Variants in EFCAB13 observed in about 807,000 individuals in gnomAD.
EFCAB13 encodes the protein EF-hand calcium binding domain 13.
In EFCAB13, 91 loss-of-function variants were observed where a neutral mutation model predicts 110.2. The observed-to-expected ratio is 0.83, with a 90% CI of 0.70 to 0.98. EFCAB13 has a LOEUF of 0.98. Ranked by LOEUF, EFCAB13 falls within the 50% of genes least tolerant of loss-of-function variation. The probability of loss-of-function intolerance (pLI) is 0.00; values close to 1 mark genes in which losing one functional copy is unlikely to be tolerated. For missense variants in EFCAB13, 968 were observed against 1,119.4 expected (o/e 0.86, Z 1.93); for synonymous variants, 323 against 369.9 (o/e 0.87, Z 1.45).
At position 47,377,923 on chromosome 17, in the gene EFCAB13, G is replaced by A; in HGVS notation, c.1510+20G>A. On this transcript the variant is annotated intron_variant, in intron 13 of 24. Transcript: ENST00000331493. Reference sequence around the variant, plus strand: ...GAAATGGTGAGAGACTGATAACACTGAAGTTTCTGAGAAAGTTAGATATTT... The same window carrying A: ...GAAATGGTGAGAGACTGATAACACTAAAGTTTCTGAGAAAGTTAGATATTT... The A allele has an allele frequency of 6.4e-7, 1 of 1,551,710 alleles. No individual in the cohort carries two copies. The highest frequency in any genetic ancestry group is 1.3e-5 in the South Asian group (1 of 79,198).
chr17:47,336,708 G>A (rs1052108062), intron 5 of EFCAB13, among the ~76,000 whole-genome samples: 1 of 151,582 alleles, frequency 6.6e-6, no homozygotes, highest in Non-Finnish European at 1.5e-5. Flanking sequence ...CAAAGTGCTG[G>A]GATTACAAGC....
In EFCAB13 at chr17:47,402,131, G is replaced by GA. The variant is rs138059918; in HGVS notation, c.1947dup (p.Gly650ArgfsTer2). On this transcript the variant is annotated frameshift_variant and splice_region_variant. Coordinates refer to ENST00000331493, the MANE Select transcript of EFCAB13 (RefSeq NM_152347.5). LOFTEE classifies it high-confidence loss of function. ...TCTATTAAAAGTGTTTTTTCTCACAGAAGGTGACAAAGTACAATTTGAAGA... is the reference window on the plus strand; with the variant it reads ...TCTATTAAAAGTGTTTTTTCTCACAGAAAGGTGACAAAGTACAATTTGAAGA... The GA allele has an allele frequency of 1.5e-3, 2,424 of 1,613,640 alleles. 26 individuals are homozygous for GA. In the African/African-American group the frequency reaches 0.029, roughly 20 times the overall value.
In EFCAB13 at chr17:47,385,109, G is replaced by A. The variant is rs549591877; in HGVS notation, c.1582+5856G>A. Among the ~76,000 whole-genome samples the A allele has an allele frequency of 2.0e-5, 3 of 152,248 alleles. No individual in the cohort carries two copies. In the South Asian group the frequency reaches 6.2e-4, roughly 32 times the overall value. On this transcript the variant is annotated intron_variant, in intron 14 of 24. Transcript: ENST00000331493. Reference sequence around the variant, plus strand: ...CCATTTCAACCGTGGAGAGTCTGATGATTTTGTGCCTTAGGGTTGCTCTTC... The same window carrying A: ...CCATTTCAACCGTGGAGAGTCTGATAATTTTGTGCCTTAGGGTTGCTCTTC...
chr17:47,438,498 C>CTTTTTTTTTTT (rs112384926), intron 24 of EFCAB13, among the ~76,000 whole-genome samples: 4 of 142,392 alleles, frequency 2.8e-5, no homozygotes, highest in African/African-American at 5.2e-5. Context: ...TAGTCTTATT[C>CTTTTTTTTTTT]TTTTTTTTTT....
intron 23 of EFCAB13, among the ~76,000 whole-genome samples, chr17:47,422,390 T>A (rs1183688555): frequency 6.6e-6 from 1 of 152,058 alleles, no homozygotes; most frequent in East Asian, 1.9e-4. Flanking sequence ...CTAGCCAGTA[T>A]CACAGGCAAA....
chr17:47,383,630 C>T (rs747085185), intron 14 of EFCAB13, among the ~76,000 whole-genome samples: 1 of 152,196 alleles, frequency 6.6e-6, no homozygotes, highest in East Asian at 1.9e-4. Flanking sequence ...TTTGATTGCA[C>T]TGTGGTCTGA....
chr17:47,391,718 C>T, intron 15 of EFCAB13, 138 bp downstream of exon 15: 1 of 707,460 alleles, frequency 1.4e-6, no homozygotes, highest in South Asian at 2.7e-5. Flanking sequence ...TATGGAAATA[C>T]TCAAAAGTAC....
chr17:47,387,253 T>C (rs995647924), intron 14 of EFCAB13, among the ~76,000 whole-genome samples: 1 of 152,218 alleles, frequency 6.6e-6, no homozygotes, highest in African/African-American at 2.4e-5. Context: ...TGGAGAATGT[T>C]CGATGTGCTG....
At chr17:47,373,469 CT>C (rs1181227706) in intron 11 of EFCAB13, among the ~76,000 whole-genome samples, 1 of 151,986 alleles carries the variant, frequency 6.6e-6, no homozygotes, top group Non-Finnish European at 1.5e-5. Flanking sequence ...TTATTGTGCT[CT>C]TTTGGTAGTA....
rs552144894 is a variant in EFCAB13, at chr17:47,337,018, TCTC to T, written c.191+1666_191+1668del. On this transcript the variant is annotated intron_variant, in intron 5 of 24. Coordinates refer to ENST00000331493, the MANE Select transcript of EFCAB13 (RefSeq NM_152347.5). ...GATTGGAGAGGCACCTAAATAAAAA[TCTC>T]CTCTACCTTCCAGAAATCTGTATTT... 1.2e-4 allele frequency among the ~76,000 whole-genome samples: 19 copies of T among 152,286 alleles called. No homozygotes were observed. In the South Asian group the frequency reaches 3.5e-3, roughly 28 times the overall value.
chr17:47,436,473 C>T (rs953900451), intron 24 of EFCAB13, among the ~76,000 whole-genome samples: 2 of 151,942 alleles, frequency 1.3e-5, no homozygotes, highest in African/African-American at 2.4e-5. Context: ...GTTCAGGATA[C>T]CTAATTCCTC....
chr17:47,414,541 A>G (rs1182339831), intron 22 of EFCAB13, among the ~76,000 whole-genome samples: 1 of 152,042 alleles, frequency 6.6e-6, no homozygotes, highest in Non-Finnish European at 1.5e-5. Context: ...AGGCATGCGA[A>G]GAGTATGCAC....
intron 15 of EFCAB13, 61 bp downstream of exon 15, chr17:47,391,641 A>T: frequency 7.0e-7 from 1 of 1,437,022 alleles, no homozygotes; most frequent in Non-Finnish European, 9.2e-7. Flanking sequence ...TCAATTTGTT[A>T]TTTTTTTCTT....
At position 47,391,541 on chromosome 17, in the gene EFCAB13, C is replaced by T. The variant is rs748502039; in HGVS notation, c.1687C>T (p.Pro563Ser). 2 of 1,592,258 alleles carry T rather than the reference C, an allele frequency of 1.3e-6. No homozygotes were observed. Among genetic ancestry groups the T allele is most frequent in the Non-Finnish European group, 1.7e-6 (2 of 1,172,174 alleles). ...AAATTTTGGTATTTACCTTTCTAAG[C>T]CAGAATTTAAGAAGATCACAGAACT... ...LQNFGIYLSKPEFKKITELTE... is the reference protein window; with the variant it reads ...LQNFGIYLSKSEFKKITELTE... The change falls in exon 15 of 25, where the codon CCA becomes TCA. Residue 563 changes from proline to serine, a missense_variant. Physicochemically the swap from Pro to Ser is moderately conservative, Grantham distance 74. Coordinates refer to ENST00000331493, the MANE Select transcript of EFCAB13 (RefSeq NM_152347.5).
chr17:47,332,401 T>G (rs2065324652), intron 4 of EFCAB13, among the ~76,000 whole-genome samples: 1 of 152,116 alleles, frequency 6.6e-6, no homozygotes, highest in Non-Finnish European at 1.5e-5. Context: ...ATTACCAACT[T>G]TTTTTGTGGT....
intron 14 of EFCAB13, among the ~76,000 whole-genome samples, chr17:47,383,731 G>A (rs935019194): frequency 6.6e-6 from 1 of 152,166 alleles, no homozygotes; most frequent in Admixed American, 6.5e-5. Context: ...GCGATGTAGT[G>A]CTGAGAAGAG....
intron 21 of EFCAB13, among the ~76,000 whole-genome samples, chr17:47,412,553 A>G (rs1346332566): frequency 6.6e-6 from 1 of 152,262 alleles, no homozygotes; most frequent in African/African-American, 2.4e-5. Flanking sequence ...ATACATGTCA[A>G]TAGCCCATCA....
chr17:47,356,240 G>A (rs2065479817), intron 9 of EFCAB13, among the ~76,000 whole-genome samples: 1 of 152,052 alleles, frequency 6.6e-6, no homozygotes, highest in South Asian at 2.1e-4. Flanking sequence ...GCTTTTGAGT[G>A]TGATCTTCTG....
At chr17:47,404,149 CCT>C in intron 19 of EFCAB13, 128 bp downstream of exon 19, 1 of 775,600 alleles carries the variant, frequency 1.3e-6, no homozygotes, top group Non-Finnish European at 1.9e-6. Flanking sequence ...CTCTTAATTT[CCT>C]CTTTTGCAGT....
Sources: gnomAD v4.1 joint callset for allele counts (sites outside exome capture counted in the v4.1 genomes callset) on GRCh38, gnomAD v4.1.1 for gene constraint, MANE v1.5 for transcripts, NCBI Gene and HGNC (gene_info 2026-07-23, HGNC 2026-07-21) for gene names.